Variants in POPDC2 observed in about 807,000 individuals in gnomAD.
POPDC2 encodes the protein popeye domain-containing protein 2.
POPDC2 carries 24 observed loss-of-function variants against 30.5 expected under a neutral mutation model. The ratio of observed to expected loss-of-function variants is 0.79; its 90% CI spans 0.57 to 1.11. The LOEUF (loss-of-function observed/expected upper bound fraction) is 1.11. Ranked by LOEUF, POPDC2 falls within the 50% of genes least tolerant of loss-of-function variation. The probability of loss-of-function intolerance (pLI) is 0.00; values close to 1 mark genes in which losing one functional copy is unlikely to be tolerated. For missense variants in POPDC2, 409 were observed against 447.0 expected (o/e 0.91, Z 0.77); for synonymous variants, 185 against 183.3 (o/e 1.01, Z -0.07).
intron 1 of POPDC2, among the ~76,000 whole-genome samples, chr3:119,657,300 C>G (rs1222394865): frequency 6.6e-6 from 1 of 152,128 alleles, no homozygotes; most frequent in Non-Finnish European, 1.5e-5. Context: ...TAAGTCCTGG[C>G]CAATGGGATA....
intron 3 of POPDC2, chr3:119,643,471 A>C: frequency 4.2e-6 from 6 of 1,421,406 alleles, no homozygotes; most frequent in Non-Finnish European, 5.8e-6. Flanking sequence ...AAGAGAAAGA[A>C]AGAGAGAGAG....
chr3:119,648,278 G>A lies in POPDC2; in HGVS notation c.991C>T (p.Pro331Ser). The part of the protein sequence containing the change: ...APPTRARLSR[P>S]DSGILGEDST... ...TCCTCACCCAGTATGCCACTGTCTGGCCTGGACAACCTGGCCCGGGTAGGA... is the reference window on the plus strand; with the variant it reads ...TCCTCACCCAGTATGCCACTGTCTGACCTGGACAACCTGGCCCGGGTAGGA... Residue 331 changes from proline (P) to serine (S), a missense_variant, in exon 3 of 4, where the codon CCA becomes TCA. Physicochemically the swap from Pro to Ser is moderately conservative, Grantham distance 74 (BLOSUM62 -1). Coordinates refer to ENST00000493094, the MANE Select transcript of POPDC2 (RefSeq NM_001369919.2). 1 of 1,613,968 alleles carries A rather than the reference G, an allele frequency of 6.2e-7. No individual in the cohort carries two copies. Among genetic ancestry groups the A allele is most frequent in the East Asian group, 2.2e-5 (1 of 44,880 alleles).
At chr3:119,653,769 G>A (rs1038859840) in intron 2 of POPDC2, among the ~76,000 whole-genome samples, 5 of 152,154 alleles carry the variant, frequency 3.3e-5, no homozygotes, top group African/African-American at 9.7e-5. Flanking sequence ...GAGCCACCGC[G>A]CCCGGCAAGC....
At chr3:119,650,104 T>A (rs2052792015) in intron 2 of POPDC2, among the ~76,000 whole-genome samples, 1 of 152,226 alleles carries the variant, frequency 6.6e-6, no homozygotes, top group African/African-American at 2.4e-5. Context: ...TTAGATGTAC[T>A]TATGAACAAT....
chr3:119,642,781 A>G (rs1451424741), intron 3 of POPDC2, among the ~76,000 whole-genome samples: 1 of 152,216 alleles, frequency 6.6e-6, no homozygotes, highest in African/African-American at 2.4e-5. Flanking sequence ...ATCCTCTCCT[A>G]TTGTAGAGAC....
intron 3 of POPDC2, among the ~76,000 whole-genome samples, chr3:119,644,386 T>C (rs766050336): frequency 1.3e-5 from 2 of 152,194 alleles, no homozygotes; most frequent in Non-Finnish European, 2.9e-5. Flanking sequence ...AGACACAGAA[T>C]GGATCCCTGT....
At chr3:119,655,193 T>C (rs2052865852) in intron 1 of POPDC2, among the ~76,000 whole-genome samples, 1 of 151,944 alleles carries the variant, frequency 6.6e-6, no homozygotes, top group South Asian at 2.1e-4. Context: ...CCAGGTATGG[T>C]GGCGGGTGCC....
chr3:119,643,918 G>A (rs927434186), intron 3 of POPDC2, among the ~76,000 whole-genome samples: 3 of 152,086 alleles, frequency 2.0e-5, no homozygotes, highest in Non-Finnish European at 4.4e-5. Context: ...CTGCCCACAA[G>A]AACTACACCA....
intron 3 of POPDC2, among the ~76,000 whole-genome samples, chr3:119,645,996 T>C (rs192963042): frequency 7.0e-4 from 106 of 152,342 alleles, no homozygotes; most frequent in African/African-American, 2.5e-3. Context: ...GCCAGGACTT[T>C]GGACTCCCAG....
chr3:119,651,342 T>A (rs572119), intron 2 of POPDC2, among the ~76,000 whole-genome samples: 110,536 of 151,446 alleles, frequency 0.73, 40,639 homozygotes, highest in Middle Eastern at 0.85. Context: ...TTGCCACCAT[T>A]TCTCCCTTGC....
At chr3:119,649,752 T>C (rs952615103) in intron 2 of POPDC2, among the ~76,000 whole-genome samples, 9 of 152,162 alleles carry the variant, frequency 5.9e-5, no homozygotes, top group African/African-American at 2.2e-4. Context: ...CATTCTTTAT[T>C]AGAGATTATA....
At chr3:119,657,710 T>C (rs1445850629) in intron 1 of POPDC2, among the ~76,000 whole-genome samples, 1 of 152,206 alleles carries the variant, frequency 6.6e-6, no homozygotes, top group Admixed American at 6.5e-5. Context: ...CCGTAGAGTG[T>C]AGATAATGTC....
intron 1 of POPDC2, among the ~76,000 whole-genome samples, chr3:119,658,253 G>A (rs974121127): frequency 6.6e-6 from 1 of 151,728 alleles, no homozygotes; most frequent in Non-Finnish European, 1.5e-5. Context: ...GGGTGACACT[G>A]AAAGATAACA....
chr3:119,645,776 T>G (rs1282234321), intron 3 of POPDC2, among the ~76,000 whole-genome samples: 3 of 152,102 alleles, frequency 2.0e-5, no homozygotes, highest in Admixed American at 2.0e-4. Flanking sequence ...TGAAAGACAC[T>G]CAGATGTCCT....
At position 119,660,178 on chromosome 3, in the gene POPDC2, G is replaced by A. The variant is rs767244566; in HGVS notation, c.246C>T (p.Phe82=). The A allele has an allele frequency of 1.2e-5, 19 of 1,614,074 alleles. No homozygotes were observed. The highest frequency in any genetic ancestry group is 1.4e-5 in the Non-Finnish European group (17 of 1,180,044). ...ACGLDIVLWS[F]LLAVVCLLQL... is the part of the protein sequence containing the mutation. ...GGAGCAGGCAGACCACAGCCAGCAG[G>A]AAGCTCCAAAGAACAATGTCCAGGC... Residue 82 remains phenylalanine, a synonymous_variant, in exon 1 of 4, where the codon TTC becomes TTT. Transcript: ENST00000493094.
chr3:119,652,473 C>T (rs1334334275), intron 2 of POPDC2, among the ~76,000 whole-genome samples: 47 of 152,172 alleles, frequency 3.1e-4, no homozygotes, highest in Non-Finnish European at 2.9e-5. Flanking sequence ...TCTCATTACT[C>T]CCAAAGGAGG....
chr3:119,660,098 T>G lies in POPDC2; in HGVS notation c.326A>C (p.Asp109Ala), dbSNP rs1577175159. 6.2e-7 allele frequency: 1 copy of G among 1,613,926 alleles called. No individual in the cohort carries two copies. The highest frequency in any genetic ancestry group is 1.7e-5 in the Admixed American group (1 of 59,996). ...CAGGCACAGCGTCTTGTAGAGGAGG[T>G]CAAACTCCTCAGGGAGGGTGTCCTC... ...LREDTLPEEF[D>A]LLYKTLCLPL... is the part of the protein sequence containing the mutation. Residue 109 changes from aspartate (D) to alanine (A), a missense_variant, in exon 1 of 4, where the codon GAC becomes GCC. Physicochemically the swap from Asp to Ala is moderately radical, Grantham distance 126. Transcript: ENST00000493094.
chr3:119,645,273 G>A (rs2052732404), intron 3 of POPDC2, among the ~76,000 whole-genome samples: 1 of 152,166 alleles, frequency 6.6e-6, no homozygotes, highest in South Asian at 2.1e-4. Flanking sequence ...TAAAATATCC[G>A]CACTGTAGGC....
intron 3 of POPDC2, among the ~76,000 whole-genome samples, chr3:119,646,557 T>A (rs1337378677): frequency 6.6e-6 from 1 of 152,106 alleles, no homozygotes; most frequent in Admixed American, 6.5e-5. Flanking sequence ...GAGGATCGCT[T>A]GAGCTTTTGG....
Sources: gnomAD v4.1 joint callset for allele counts (sites outside exome capture counted in the v4.1 genomes callset) on GRCh38, gnomAD v4.1.1 for gene constraint, MANE v1.5 for transcripts, NCBI Gene and HGNC (gene_info 2026-07-23, HGNC 2026-07-21) for gene names.